Variants in ARPP21 observed in about 807,000 individuals in gnomAD.
The protein encoded by ARPP21 is cAMP regulated phosphoprotein 21.
Under a neutral mutation model 113.2 loss-of-function variants are expected in ARPP21, and 69 were observed. That is an observed-to-expected ratio of 0.61 (90% CI 0.50 to 0.74). The LOEUF is 0.74. ARPP21 is among the 30% of genes least tolerant of loss of function. The pLI is 0.00. For synonymous variants in ARPP21, 368 were observed against 375.5 expected, an observed-to-expected ratio of 0.98 and a Z score of 0.23; for missense variants, 1,070 against 1,037.4, an observed-to-expected ratio of 1.03 and a Z score of -0.43.
intron 14 of ARPP21, among the ~76,000 whole-genome samples, chr3:35,723,792 G>A (rs1338124578): frequency 6.6e-6 from 1 of 152,150 alleles, no homozygotes; most frequent in Non-Finnish European, 1.5e-5. Flanking sequence ...GATTGTAAGT[G>A]CTTCAGAATT....
At chr3:35,661,606 C>A (rs1187772503) in intron 1 of ARPP21, among the ~76,000 whole-genome samples, 1 of 152,154 alleles carries the variant, frequency 6.6e-6, no homozygotes, top group African/African-American at 2.4e-5. Context: ...TTATAAATTT[C>A]TTATGACCGG....
chr3:35,739,223 A>G (rs561809916), intron 17 of ARPP21, 94 bp from the exon 18 acceptor site: 2 of 1,427,534 alleles, frequency 1.4e-6, no homozygotes, highest in South Asian at 2.8e-5. Flanking sequence ...TCTCTCCCAC[A>G]ACTCCAAGAA....
chr3:35,759,564 A>G (rs1381570270), intron 19 of ARPP21, among the ~76,000 whole-genome samples: 1 of 152,088 alleles, frequency 6.6e-6, no homozygotes, highest in Non-Finnish European at 1.5e-5. Flanking sequence ...TATTTACTGT[A>G]TCTTATTCAG....
chr3:35,730,392 G>C (rs2150501566), intron 15 of ARPP21, among the ~76,000 whole-genome samples: 1 of 152,168 alleles, frequency 6.6e-6, no homozygotes, highest in East Asian at 1.9e-4. Context: ...TTATGACCTG[G>C]GGAGAAGAGG....
In ARPP21 at chr3:35,690,442, G is replaced by A. The variant is rs538904105; in HGVS notation, c.545+302G>A. Among the ~76,000 whole-genome samples, 10 of 151,468 alleles carry A rather than the reference G, an allele frequency of 6.6e-5. No homozygotes were observed. The South Asian group carries it at 2.1e-3, about 32-fold the overall frequency. The stretch of plus-strand genomic sequence containing the variant: ...TCATTTTTATTATAGTTTTTTAATG[G>A]GCTCCAGCTGGCTGCAGTCAGTTAT... On this transcript the variant is annotated intron_variant, in intron 8 of 20. Coordinates refer to ENST00000684406, the MANE Select transcript of ARPP21 (RefSeq NM_001385562.1).
chr3:35,739,587 C>T lies in ARPP21; in HGVS notation c.2010+10C>T, dbSNP rs1576477812. On this transcript the variant is annotated intron_variant, in intron 18 of 20. Transcript: ENST00000684406. Reference sequence around the variant, plus strand: ...GCCTCCGCCTGCACAGGTAGGTGTGCTTCCTCATGCCTGTGACCTACAGCT... The same window carrying T: ...GCCTCCGCCTGCACAGGTAGGTGTGTTTCCTCATGCCTGTGACCTACAGCT... 1.2e-6 allele frequency: 2 copies of T among 1,602,524 alleles called. No homozygotes were observed. Among genetic ancestry groups the T allele is most frequent in the South Asian group, 1.1e-5 (1 of 89,290 alleles).
In ARPP21 at chr3:35,654,527, T is replaced by C. The variant is rs193215952; in HGVS notation, c.-213+14129T>C. Among the ~76,000 whole-genome samples the C allele has an allele frequency of 3.3e-5, 5 of 152,256 alleles. No individual in the cohort carries two copies. The East Asian group carries it at 5.8e-4, about 18-fold the overall frequency. ...ATACGTTTCTCCTGCAATTATCTTCTGAAAAACTTATATAAGAATTAGCCC... is the reference window on the plus strand; with the variant it reads ...ATACGTTTCTCCTGCAATTATCTTCCGAAAAACTTATATAAGAATTAGCCC... On this transcript the variant is annotated intron_variant, in intron 1 of 20. Transcript: ENST00000684406.
chr3:35,761,380 A>G (rs2095771574), intron 19 of ARPP21, among the ~76,000 whole-genome samples: 1 of 152,038 alleles, frequency 6.6e-6, no homozygotes, highest in Admixed American at 6.6e-5. Context: ...TTTTAACACA[A>G]ATCTATTCAT....
intron 9 of ARPP21, among the ~76,000 whole-genome samples, chr3:35,699,544 A>T (rs965844226): frequency 6.6e-6 from 1 of 151,708 alleles, no homozygotes; most frequent in Admixed American, 6.6e-5. Flanking sequence ...TTATCCCACA[A>T]CCTGACTTCT....
chr3:35,723,368 A>G (rs1170344668), intron 14 of ARPP21, among the ~76,000 whole-genome samples: 1 of 152,228 alleles, frequency 6.6e-6, no homozygotes, highest in Non-Finnish European at 1.5e-5. Flanking sequence ...GCATTTAGTT[A>G]CAGTCACTAC....
At chr3:35,663,792 C>T (rs1027501990) in intron 1 of ARPP21, among the ~76,000 whole-genome samples, 4 of 152,134 alleles carry the variant, frequency 2.6e-5, no homozygotes, top group Non-Finnish European at 5.9e-5. Context: ...TCCCAGCTTG[C>T]CTGCTGGGCC....
intron 14 of ARPP21, among the ~76,000 whole-genome samples, chr3:35,725,771 C>T (rs1032765584): frequency 1.3e-5 from 2 of 152,176 alleles, no homozygotes; most frequent in African/African-American, 2.4e-5. Flanking sequence ...CACCTAGCCA[C>T]TTGGATGTCT....
chr3:35,731,595 G>T (rs925894541), intron 15 of ARPP21, among the ~76,000 whole-genome samples: 1 of 152,080 alleles, frequency 6.6e-6, no homozygotes, highest in African/African-American at 2.4e-5. Flanking sequence ...GTATGTGTAT[G>T]TACATATATG....
chr3:35,672,356 A>C (rs1157424069), intron 1 of ARPP21, among the ~76,000 whole-genome samples: 1 of 152,050 alleles, frequency 6.6e-6, no homozygotes, highest in African/African-American at 2.4e-5. Flanking sequence ...CCTTCATGAG[A>C]TCCAAACCTC....
At chr3:35,746,340 T>C (rs1363306388) in intron 19 of ARPP21, among the ~76,000 whole-genome samples, 1 of 152,198 alleles carries the variant, frequency 6.6e-6, no homozygotes, top group Non-Finnish European at 1.5e-5. Flanking sequence ...CTGGGCGTCC[T>C]TTTGTTGAGC....
At chr3:35,667,966 GA>G (rs760653288) in intron 1 of ARPP21, among the ~76,000 whole-genome samples, 2 of 103,724 alleles carry the variant, frequency 1.9e-5, no homozygotes, top group Admixed American at 9.5e-5. Context: ...AGAAGAAGAA[GA>G]AGAAGAAGAA....
chr3:35,708,526 C>T (rs149058601), intron 10 of ARPP21, among the ~76,000 whole-genome samples: 6 of 152,224 alleles, frequency 3.9e-5, no homozygotes, highest in Admixed American at 2.6e-4. Context: ...TTTCTCCAGT[C>T]CCCAAGCTTT....
intron 10 of ARPP21, among the ~76,000 whole-genome samples, chr3:35,708,468 A>G (rs1339798302): frequency 2.0e-5 from 3 of 152,230 alleles, no homozygotes; most frequent in Non-Finnish European, 4.4e-5. Context: ...TGAAGAAATA[A>G]TGTCCACATC....
intron 1 of ARPP21, among the ~76,000 whole-genome samples, chr3:35,658,290 TTTTC>T (rs762915028): frequency 2.0e-5 from 3 of 152,094 alleles, no homozygotes; most frequent in South Asian, 2.1e-4. Flanking sequence ...TTCTGAACCG[TTTTC>T]TTTCTTTCTC....
Sources: allele counts gnomAD v4.1 joint callset (sites outside exome capture counted in the v4.1 genomes callset), GRCh38; gene constraint gnomAD v4.1.1; transcripts MANE v1.5; gene names NCBI Gene and HGNC (gene_info 2026-07-23, HGNC 2026-07-21).